ANKS1B: variants seen among roughly 807,000 people sequenced by gnomAD.
ANKS1B encodes the protein ankyrin repeat and sterile alpha motif domain-containing protein 1B.
Under a neutral mutation model 148.3 loss-of-function variants are expected in ANKS1B, and 36 were observed. That is an observed-to-expected ratio of 0.24 (90% confidence interval 0.19 to 0.32). The LOEUF is 0.32. ANKS1B is among the 10% of genes least tolerant of loss of function. The pLI is 1.00. For synonymous variants in ANKS1B, 542 were observed against 560.8 expected, an observed-to-expected ratio of 0.97 and a Z score of 0.47; for missense variants, 1,157 against 1,542.6, an observed-to-expected ratio of 0.75 and a Z score of 4.19.
chr12:99,940,932 A>T (rs757968072), intron 1 of ANKS1B, among the ~76,000 whole-genome samples: 2 of 152,172 alleles, frequency 1.3e-5, no homozygotes, highest in African/African-American at 2.4e-5. Flanking sequence ...CCTTCATTTC[A>T]ATCAAAAGCA....
chr12:99,295,642 T>C (rs942459648), intron 12 of ANKS1B, among the ~76,000 whole-genome samples: 4 of 152,200 alleles, frequency 2.6e-5, no homozygotes, highest in Non-Finnish European at 5.9e-5. Context: ...GGGGTACATG[T>C]TCAGGTTTGT....
At chr12:99,603,757 A>T (rs2097826216) in intron 9 of ANKS1B, among the ~76,000 whole-genome samples, 1 of 152,176 alleles carries the variant, frequency 6.6e-6, no homozygotes, top group Admixed American at 6.5e-5. Flanking sequence ...AGAGAAAAAA[A>T]ATCTTTAAAT....
At chr12:99,785,197 C>CTT (rs11313851) in intron 4 of ANKS1B, among the ~76,000 whole-genome samples, 1 of 137,332 alleles carries the variant, frequency 7.3e-6, no homozygotes, top group African/African-American at 2.7e-5. Context: ...TTAGTTGTCT[C>CTT]TTTTTTTTTT....
intron 8 of ANKS1B, among the ~76,000 whole-genome samples, chr12:99,671,683 T>A (rs1245119949): frequency 6.6e-6 from 1 of 152,042 alleles, no homozygotes; most frequent in Non-Finnish European, 1.5e-5. Flanking sequence ...ATATTGAAAA[T>A]AAAATGAATA....
At chr12:99,230,414 T>C (rs1157078090) in intron 14 of ANKS1B, among the ~76,000 whole-genome samples, 2 of 152,110 alleles carry the variant, frequency 1.3e-5, no homozygotes, top group African/African-American at 2.4e-5. Context: ...CGATTTCACT[T>C]GCTCATCTCC....
intron 15 of ANKS1B, among the ~76,000 whole-genome samples, chr12:99,153,665 T>C (rs2075529275): frequency 6.6e-6 from 1 of 152,140 alleles, no homozygotes; most frequent in Non-Finnish European, 1.5e-5. Flanking sequence ...TTTCTAAATA[T>C]TGACAGCTAA....
chr12:98,919,364 C>T (rs570196561), intron 17 of ANKS1B, among the ~76,000 whole-genome samples: 6 of 152,218 alleles, frequency 3.9e-5, no homozygotes, highest in Non-Finnish European at 7.3e-5. Context: ...AGTGCAATGA[C>T]TTGAGCACAC....
chr12:99,349,102 A>G (rs1486813812), intron 12 of ANKS1B, among the ~76,000 whole-genome samples: 1 of 151,972 alleles, frequency 6.6e-6, no homozygotes, highest in Admixed American at 6.6e-5. Flanking sequence ...AGTGGGTATT[A>G]ATTCAAACTC....
chr12:99,823,199 G>A (rs746527652), intron 2 of ANKS1B, among the ~76,000 whole-genome samples: 2 of 151,882 alleles, frequency 1.3e-5, no homozygotes, highest in Non-Finnish European at 2.9e-5. Flanking sequence ...TTGGCCTTTG[G>A]TAGATGCATA....
intron 19 of ANKS1B, among the ~76,000 whole-genome samples, chr12:98,823,292 T>A (rs1027715787): frequency 5.3e-5 from 8 of 152,218 alleles, no homozygotes; most frequent in Non-Finnish European, 1.2e-4. Context: ...TTATGTATGA[T>A]CTGTCTGTGC....
chr12:98,948,947 C>CTTTTTTGTTTTTT (rs2099849769), intron 17 of ANKS1B, among the ~76,000 whole-genome samples: 1 of 84,866 alleles, frequency 1.2e-5, no homozygotes, highest in Non-Finnish European at 2.0e-5. Flanking sequence ...GCATGAGCTA[C>CTTTTTTGTTTTTT]TTTTTTTTTT....
chr12:99,164,856 T>G (rs183355849), intron 14 of ANKS1B, among the ~76,000 whole-genome samples: 1 of 152,090 alleles, frequency 6.6e-6, no homozygotes, highest in Non-Finnish European at 1.5e-5. Context: ...TTAATATTTA[T>G]GTTGCACACT....
chr12:99,908,593 G>A (rs146147840), intron 1 of ANKS1B, among the ~76,000 whole-genome samples: 1 of 151,972 alleles, frequency 6.6e-6, no homozygotes, highest in Admixed American at 6.6e-5. Flanking sequence ...AGAAAAGAAA[G>A]AAAAATTAAT....
At chr12:99,641,105 G>C (rs111689781) in intron 9 of ANKS1B, among the ~76,000 whole-genome samples, 4 of 152,180 alleles carry the variant, frequency 2.6e-5, no homozygotes, top group Non-Finnish European at 5.9e-5. Flanking sequence ...CTTATTATAT[G>C]AAGTTGTTTT....
chr12:99,669,254 T>C (rs2098524981), intron 8 of ANKS1B, among the ~76,000 whole-genome samples: 1 of 152,150 alleles, frequency 6.6e-6, no homozygotes, highest in African/African-American at 2.4e-5. Flanking sequence ...CACTGCAGCC[T>C]TGACTTCTTG....
At chr12:98,766,578 A>G (rs527512282) in intron 25 of ANKS1B, among the ~76,000 whole-genome samples, 5 of 152,284 alleles carry the variant, frequency 3.3e-5, no homozygotes, top group African/African-American at 9.6e-5. Flanking sequence ...GTTGAAGTCT[A>G]TTTTCAGGTG....
intron 1 of ANKS1B, among the ~76,000 whole-genome samples, chr12:99,876,056 T>C (rs1050530132): frequency 6.6e-6 from 1 of 152,166 alleles, no homozygotes; most frequent in African/African-American, 2.4e-5. Context: ...ATATGTAAAC[T>C]GCTTCGATTG....
At chr12:98,812,940 G>T (rs61933595) in intron 19 of ANKS1B, among the ~76,000 whole-genome samples, 1 of 152,106 alleles carries the variant, frequency 6.6e-6, no homozygotes, top group Admixed American at 6.5e-5. Flanking sequence ...CAGAGCAAGC[G>T]ACTTAAGGCA....
chr12:99,547,421 A>C (rs2097181143), intron 9 of ANKS1B, among the ~76,000 whole-genome samples: 1 of 152,154 alleles, frequency 6.6e-6, no homozygotes, highest in Non-Finnish European at 1.5e-5. Flanking sequence ...AAAAAGAAAC[A>C]GGAGGAATAT....
Sources: allele counts gnomAD v4.1 joint callset (sites outside exome capture counted in the v4.1 genomes callset), GRCh38; gene constraint gnomAD v4.1.1; transcripts MANE v1.5; gene names NCBI Gene and HGNC (gene_info 2026-07-23, HGNC 2026-07-21).